ERRFI1: variants seen among roughly 807,000 people sequenced by gnomAD.
ERRFI1 encodes the protein mitogen-inducible gene 6 protein.
A neutral mutation model predicts 14.6 loss-of-function variants in ERRFI1; 12 were observed. That is an observed-to-expected ratio of 0.82 (90% CI 0.53 to 1.33). The LOEUF is 1.33. Among genes scored for constraint, ERRFI1 ranks in the 40% most tolerant of loss-of-function variants. The probability of loss-of-function intolerance (pLI) is 0.00; values close to 1 mark genes in which losing one functional copy is unlikely to be tolerated. For missense variants in ERRFI1, 482 were observed against 572.1 expected (o/e 0.84, Z 1.61); for synonymous variants, 202 against 209.9 (o/e 0.96, Z 0.32).
At chr1:8,025,418 C>A (rs1641330494) in intron 1 of ERRFI1, among the ~76,000 whole-genome samples, 1 of 152,226 alleles carries the variant, frequency 6.6e-6, no homozygotes, top group Non-Finnish European at 1.5e-5. Context: ...ACTTAAGACA[C>A]TCAGAGCAAA....
Position 8,025,843 on chromosome 1 carries a change from G to A in ERRFI1, c.-74+315C>T, listed in dbSNP as rs576380182. ...CTCGGGTGCATGGCCCCGGCCAGCC[G>A]AGGGGCCGCGCGACGACCACAGCCG... On this transcript the variant is annotated intron_variant, in intron 1 of 3. Coordinates refer to ENST00000377482, the MANE Select transcript of ERRFI1 (RefSeq NM_018948.4). Among the ~76,000 whole-genome samples, 260 of 152,208 alleles carry A rather than the reference G, an allele frequency of 1.7e-3. 1 individual carries two copies. Among genetic ancestry groups the A allele is most frequent in the African/African-American group, 5.8e-3 (240 of 41,546 alleles).
chr1:8,014,117 G>C lies in ERRFI1; in HGVS notation c.482C>G (p.Ala161Gly), dbSNP rs1206650924. ...ACAGTCTGTGTCATCCAGAGAGAGG[G>C]CTTCAGAGATTGGCAACGGTGGAAG... ...RPLPPLPISE[A>G]LSLDDTDCEV... The change falls in exon 4 of 4, where the codon GCC (alanine) becomes GGC (glycine). Residue 161 changes from alanine to glycine, a missense_variant. Physicochemically the swap from Ala to Gly is moderately conservative, Grantham distance 60 (BLOSUM62 0). Coordinates refer to ENST00000377482, the MANE Select transcript of ERRFI1 (RefSeq NM_018948.4). 4.3e-6 allele frequency: 7 copies of C among 1,614,068 alleles called. No individual in the cohort carries two copies. The highest frequency in any genetic ancestry group is 5.9e-6 in the Non-Finnish European group (7 of 1,180,050).
intron 3 of ERRFI1, 40 bp from the exon 4 acceptor site, chr1:8,014,436 C>T (rs1323991209): frequency 2.0e-6 from 3 of 1,514,352 alleles, no homozygotes; most frequent in Non-Finnish European, 1.8e-6. Context: ...ATCAACAATC[C>T]TCTCTCCACC....
At chr1:8,026,134 C>T (rs910681432) in intron 1 of ERRFI1, 24 bp downstream of exon 1, 5 of 151,824 alleles carry the variant, frequency 3.3e-5, no homozygotes, top group African/African-American at 4.8e-5. Context: ...CCTCCCCACC[C>T]CCTCAGCGCG....
In ERRFI1 at chr1:8,014,522, A is replaced by G. The variant is rs936096919; in HGVS notation, c.203-126T>C. On this transcript the variant is annotated intron_variant, in intron 3 of 3. Coordinates refer to ENST00000377482, the MANE Select transcript of ERRFI1 (RefSeq NM_018948.4). The stretch of plus-strand genomic sequence containing the variant: ...CTGAGTGAAACACTTGACTGCTGTC[A>G]CCCCGAGAACACCCATGCAACCACC... The G allele has an allele frequency of 6.0e-6, 5 of 836,802 alleles. No individual in the cohort carries two copies. In the African/African-American group the frequency reaches 6.9e-5, roughly 11 times the overall value. The allele number at this position is 836,802 out of a possible 1,614,324, so 51.8% of individuals were successfully genotyped here. A position where few individuals can be genotyped will look rare whatever the true frequency, so the allele number is the denominator to read the frequency against.
Position 8,014,064 on chromosome 1 carries a change from T to C in ERRFI1, c.535A>G (p.Thr179Ala). The change falls in exon 4 of 4, where the codon ACA (threonine) becomes GCA (alanine). Residue 179 changes from threonine (T) to alanine (A), a missense_variant. Thr to Ala is a moderately conservative substitution (Grantham distance 58, BLOSUM62 0). Transcript: ENST00000377482. The stretch of plus-strand genomic sequence containing the variant: ...GTAGAGTCTTCTAAAAGGAAGTCTG[T>C]ATCTGAGCTAGTTAGGAATTCCACC... ...CEVEFLTSSD[T>A]DFLLEDSTLS... 1.2e-6 allele frequency: 2 copies of C among 1,614,184 alleles called. No homozygotes were observed. The highest frequency in any genetic ancestry group is 1.7e-6 in the Non-Finnish European group (2 of 1,180,026).
At chr1:8,020,648 G>A (rs1438548642) in intron 1 of ERRFI1, among the ~76,000 whole-genome samples, 3 of 150,536 alleles carry the variant, frequency 2.0e-5, no homozygotes, top group Non-Finnish European at 4.4e-5. Flanking sequence ...AGGTTCAAGC[G>A]ATTGTCCTGC....
chr1:8,014,690 G>A (rs181218177), intron 3 of ERRFI1: 262 of 377,792 alleles, frequency 6.9e-4, no homozygotes, highest in Non-Finnish European at 9.9e-4. Context: ...TAAAATTCGC[G>A]GAAGATGAAT....
At position 8,014,407 on chromosome 1, in the gene ERRFI1, C is replaced by T. The variant is rs771980566; in HGVS notation, c.203-11G>A. 169 of 1,545,064 alleles carry T rather than the reference C, an allele frequency of 1.1e-4. 1 individual carries two copies. The highest frequency in any genetic ancestry group is 4.5e-5 in the East Asian group (2 of 44,292). On this transcript the variant is annotated splice_polypyrimidine_tract_variant and intron_variant, in intron 3 of 3. Transcript: ENST00000377482. Reference sequence around the variant, plus strand: ...ATTTGGAAGCATGCCCTGGAATGAACGAGAGATATTAATAAAAGATCAACA... The same window carrying T: ...ATTTGGAAGCATGCCCTGGAATGAATGAGAGATATTAATAAAAGATCAACA...
Position 8,014,475 on chromosome 1 carries a change from C to CA in ERRFI1, c.203-80_203-79insT, listed in dbSNP as rs1641143278. ...GTGAGGGAGAGAGCACCCCAGCTAC[C>CA]TATGCTTCCACAGCTTTCTTCCTGA... is the stretch of plus-strand genomic sequence containing the variant. On this transcript the variant is annotated intron_variant, in intron 3 of 3. Transcript: ENST00000377482. The CA allele has an allele frequency of 8.1e-6, 11 of 1,357,874 alleles. No individual in the cohort carries two copies. The South Asian group carries it at 1.6e-4, about 19-fold the overall frequency. The allele number at this position is 1,357,874 out of a possible 1,614,324, so 84.1% of individuals were successfully genotyped here.
chr1:8,021,827 G>A (rs1641277582), intron 1 of ERRFI1, among the ~76,000 whole-genome samples: 1 of 152,284 alleles, frequency 6.6e-6, no homozygotes, highest in South Asian at 2.1e-4. Context: ...CAAAACTGGT[G>A]AGCAATGGGG....
chr1:8,012,553 TG>T lies in ERRFI1; in HGVS notation c.*656del, dbSNP rs375213942. ...GTGACAATATGGTTGCCAAGTAACC[TG>T]CTCTCCCTCCCTCAACAAGACGCAA... On this transcript the variant is annotated 3_prime_UTR_variant, in exon 4 of 4. Coordinates refer to ENST00000377482, the MANE Select transcript of ERRFI1 (RefSeq NM_018948.4). 191 of 225,382 alleles carry T rather than the reference TG, an allele frequency of 8.5e-4. 3 individuals carry two copies. The highest frequency in any genetic ancestry group is 3.8e-3 in the African/African-American group (169 of 45,000). The allele number at this position is 225,382 out of a possible 1,614,324, so 14.0% of individuals were successfully genotyped here. A position where few individuals can be genotyped will look rare whatever the true frequency, so the allele number is the denominator to read the frequency against.
chr1:8,013,781 G>A lies in ERRFI1; in HGVS notation c.818C>T (p.Ser273Phe), dbSNP rs138692060. 1.2e-5 allele frequency: 19 copies of A among 1,614,060 alleles called. No homozygotes were observed. Among genetic ancestry groups the A allele is most frequent in the East Asian group, 2.2e-5 (1 of 44,896 alleles). Reference protein sequence around the residue: ...RISNCCIHRASPNSDEDKPEV... With the variant: ...RISNCCIHRAFPNSDEDKPEV... ...AGGTTTGTCTTCATCGGAGTTAGGA[G>A]AAGCTCTGTGTATACAACAGTTGGA... Residue 273 changes from serine to phenylalanine, a missense_variant, in exon 4 of 4, where the codon TCT (serine) becomes TTT (phenylalanine). Ser to Phe is a radical substitution (Grantham distance 155). Coordinates refer to ENST00000377482, the MANE Select transcript of ERRFI1 (RefSeq NM_018948.4). The surrounding 1 kb of genome is among the most constrained non-coding windows in gnomAD (Gnocchi z 4.3).
chr1:8,012,879 A>G lies in ERRFI1; in HGVS notation c.*331T>C, dbSNP rs372413951. 6 of 304,996 alleles carry G rather than the reference A, an allele frequency of 2.0e-5. No homozygotes were observed. The highest frequency in any genetic ancestry group is 3.1e-5 in the Non-Finnish European group (5 of 163,528). The allele number at this position is 304,996 out of a possible 1,614,324, so 18.9% of individuals were successfully genotyped here. On this transcript the variant is annotated 3_prime_UTR_variant, in exon 4 of 4. Transcript: ENST00000377482. ...ATATATTACTCTACGATAGTAACTA[A>G]TTGGTTAACCTGCAGCTATGGTCTA...
chr1:8,016,159 A>C (rs1230624471), intron 1 of ERRFI1, among the ~76,000 whole-genome samples: 2 of 152,292 alleles, frequency 1.3e-5, no homozygotes, highest in East Asian at 3.8e-4. Context: ...ATACTCACTA[A>C]AACACAATGC....
In ERRFI1 at chr1:8,023,389, C is replaced by T. The variant is rs546802976; in HGVS notation, c.-74+2769G>A. On this transcript the variant is annotated intron_variant, in intron 1 of 3. Coordinates refer to ENST00000377482, the MANE Select transcript of ERRFI1 (RefSeq NM_018948.4). ...GCCTCCCAGGCTCAAGCAATCCTCC[C>T]ACCTCAGCCTCCTGAGTAGCTGGGA... 4.6e-5 allele frequency among the ~76,000 whole-genome samples: 7 copies of T among 152,232 alleles called. No individual in the cohort carries two copies. The East Asian group carries it at 7.7e-4, about 17-fold the overall frequency.
At position 8,013,498 on chromosome 1, in the gene ERRFI1, C is replaced by G; in HGVS notation, c.1101G>C (p.Gln367His). The G allele has an allele frequency of 6.2e-7, 1 of 1,614,202 alleles. No individual in the cohort carries two copies. The highest frequency in any genetic ancestry group is 2.2e-5 in the East Asian group (1 of 44,890). ...CCTTACTGGCAGATCCTTCGCTGTT[C>G]TGTCTTTGCAGTGCTTTGCTGCTGA... The part of the protein sequence containing the change: ...KYVSSKALQR[Q>H]NSEGSASKVP... The change falls in exon 4 of 4, where the codon CAG (glutamine) becomes CAC (histidine). Residue 367 changes from glutamine (Q) to histidine (H), a missense_variant. By Grantham distance (24) the Gln-to-His change is conservative. Coordinates refer to ENST00000377482, the MANE Select transcript of ERRFI1 (RefSeq NM_018948.4). The surrounding 1 kb of genome is among the most constrained non-coding windows in gnomAD (Gnocchi z 4.3).
chr1:8,013,253 C>T lies in ERRFI1; in HGVS notation c.1346G>A (p.Gly449Asp), dbSNP rs768419131. 1 of 1,613,908 alleles carries T rather than the reference C, an allele frequency of 6.2e-7. No individual in the cohort carries two copies. Among genetic ancestry groups the T allele is most frequent in the East Asian group, 2.2e-5 (1 of 44,878 alleles). ...PDSKTKMDLG[G>D]HVKRKHLSYV... Reference sequence around the variant, plus strand: ...GGATAAATGTTTACGCTTCACGTGGCCACCCAGATCCATTTTTGTTTTTGA... The same window carrying T: ...GGATAAATGTTTACGCTTCACGTGGTCACCCAGATCCATTTTTGTTTTTGA... Residue 449 changes from glycine (G) to aspartate (D), a missense_variant, in exon 4 of 4, where the codon GGC becomes GAC. Transcript: ENST00000377482. The surrounding 1 kb of genome is among the most constrained non-coding windows in gnomAD (Gnocchi z 4.3).
chr1:8,021,396 T>C (rs1641272382), intron 1 of ERRFI1, among the ~76,000 whole-genome samples: 1 of 152,224 alleles, frequency 6.6e-6, no homozygotes, highest in African/African-American at 2.4e-5. Context: ...CAGGAATACA[T>C]TCTTTTGTCC....
Sources: allele counts gnomAD v4.1 joint callset (sites outside exome capture counted in the v4.1 genomes callset), GRCh38; gene constraint gnomAD v4.1.1; non-coding constraint Gnocchi (gnomAD v3.1); transcripts MANE v1.5; gene names NCBI Gene and HGNC (gene_info 2026-07-23, HGNC 2026-07-21).